The following ANTXR2 variants were observed in gnomAD, a reference collection of about 807,000 sequenced individuals.
ANTXR2 encodes the protein ANTXR cell adhesion molecule 2.
Under a neutral mutation model 73.7 loss-of-function variants are expected in ANTXR2, and 44 were observed. The ratio of observed to expected loss-of-function variants is 0.60; its 90% CI spans 0.47 to 0.77. The LOEUF (loss-of-function observed/expected upper bound fraction) is 0.77, where lower values mean the gene tolerates loss of function less well. ANTXR2 is among the 30% of genes least tolerant of loss of function. The pLI is 0.00. For missense variants in ANTXR2, 604 were observed against 592.5 expected, an observed-to-expected ratio of 1.02 and a Z score of -0.20; for synonymous variants, 217 against 205.9, an observed-to-expected ratio of 1.05 and a Z score of -0.46.
intron 10 of ANTXR2, among the ~76,000 whole-genome samples, chr4:80,028,260 T>C (rs1209675463): frequency 2.0e-5 from 3 of 152,244 alleles, no homozygotes; most frequent in East Asian, 3.9e-4. Flanking sequence ...ATGATATACC[T>C]GGACAGGATT....
chr4:80,041,833 G>GTATA (rs1386442778), intron 7 of ANTXR2, among the ~76,000 whole-genome samples: 3 of 152,072 alleles, frequency 2.0e-5, no homozygotes, highest in African/African-American at 7.2e-5. Context: ...ATTCCATGGT[G>GTATA]TATATGTACT....
intron 7 of ANTXR2, among the ~76,000 whole-genome samples, chr4:80,053,027 T>G (rs1271678870): frequency 6.6e-6 from 1 of 151,594 alleles, no homozygotes; most frequent in Non-Finnish European, 1.5e-5. Flanking sequence ...TCCTTCCCAG[T>G]ATAATTATAA....
At chr4:79,934,310 C>A (rs1361515069) in intron 16 of ANTXR2, among the ~76,000 whole-genome samples, 1 of 152,124 alleles carries the variant, frequency 6.6e-6, no homozygotes, top group African/African-American at 2.4e-5. Flanking sequence ...GGGCAAATCA[C>A]TTGAGGCCAG....
rs1733979761 is a variant in ANTXR2 at position 80,056,005 on chromosome 4, AT to A, written c.304del (p.Ile102SerfsTer8). The A allele has an allele frequency of 1.9e-6, 3 of 1,554,472 alleles. No individual in the cohort carries two copies. The highest frequency in any genetic ancestry group is 1.4e-5 in the African/African-American group (1 of 72,196). On this transcript the variant is annotated frameshift_variant, in exon 4 of 17. Coordinates refer to ENST00000403729, the MANE Select transcript of ANTXR2 (RefSeq NM_058172.6). LOFTEE classifies it high-confidence loss of function. The part of the protein sequence containing the change: ...ILPLTGDRGK[I>X]SKGLEDLKRV... ...TTTTAAATCCTCCAAGCCTTTACTG[AT>A]TTTGCCTCTGAAAATAATATTAAAC...
intron 16 of ANTXR2, 73 bp from the exon 17 acceptor site, chr4:79,907,540 C>T (rs565420198): frequency 5.0e-5 from 73 of 1,446,746 alleles, no homozygotes; most frequent in African/African-American, 1.1e-4. Context: ...ATCTAGTTTT[C>T]CTACCATGAT....
intron 16 of ANTXR2, among the ~76,000 whole-genome samples, chr4:79,926,945 G>GTATATATACACGTGTGCATATATGTGTA (rs1553925963): frequency 1.9e-5 from 1 of 52,758 alleles, no homozygotes; most frequent in African/African-American, 5.6e-5. Context: ...GCATATATGT[G>GTATATATACACGTGTGCATATATGTGTA]TATATATACG....
At chr4:80,065,620 AT>A (rs1337078915) in intron 3 of ANTXR2, among the ~76,000 whole-genome samples, 1 of 152,290 alleles carries the variant, frequency 6.6e-6, no homozygotes, top group African/African-American at 2.4e-5. Flanking sequence ...GCATAACATC[AT>A]TTTTTGGCAT....
At chr4:79,918,383 C>T (rs1282460935) in intron 16 of ANTXR2, among the ~76,000 whole-genome samples, 1 of 151,970 alleles carries the variant, frequency 6.6e-6, no homozygotes, top group East Asian at 1.9e-4. Context: ...AGGATAAATA[C>T]ATAGAAACCC....
intron 7 of ANTXR2, among the ~76,000 whole-genome samples, chr4:80,049,543 C>G (rs111666383): frequency 3.3e-5 from 5 of 151,852 alleles, no homozygotes; most frequent in African/African-American, 1.2e-4. Flanking sequence ...TCTAGCCTTT[C>G]CATTCCACCT....
chr4:80,030,226 C>G (rs950358312), intron 10 of ANTXR2, among the ~76,000 whole-genome samples: 19 of 151,928 alleles, frequency 1.3e-4, no homozygotes, highest in African/African-American at 4.1e-4. Flanking sequence ...TCAATAATGA[C>G]TCAAAAGATT....
intron 12 of ANTXR2, among the ~76,000 whole-genome samples, chr4:79,992,071 C>T (rs1420627398): frequency 6.6e-6 from 1 of 151,812 alleles, no homozygotes; most frequent in Non-Finnish European, 1.5e-5. Context: ...CATAATTTAC[C>T]CCTGTAACAA....
chr4:80,033,156 C>T (rs1486014985), intron 9 of ANTXR2, among the ~76,000 whole-genome samples: 2 of 151,888 alleles, frequency 1.3e-5, no homozygotes, highest in African/African-American at 4.8e-5. Context: ...AAAGTGGGTT[C>T]AAATATCAGC....
rs557461414 is a variant in ANTXR2, at chr4:79,905,185, T to G, written c.*2244A>C. The G allele has an allele frequency of 6.6e-6, 1 of 152,336 alleles. No homozygotes were observed. The highest frequency in any genetic ancestry group is 1.9e-4 in the East Asian group (1 of 5,190). The allele number at this position is 152,336 out of a possible 1,614,324, so 9.4% of individuals were successfully genotyped here. ...TTCATGCAGCAAAATGTAAGTATGC[T>G]ACATAATTCTAGAGAAATTTGAAGT... On this transcript the variant is annotated 3_prime_UTR_variant, in exon 17 of 17. Coordinates refer to ENST00000403729, the MANE Select transcript of ANTXR2 (RefSeq NM_058172.6).
At position 80,050,029 on chromosome 4, in the gene ANTXR2, G is replaced by A. The variant is rs191514709; in HGVS notation, c.636+4243C>T. On this transcript the variant is annotated intron_variant, in intron 7 of 16. Transcript: ENST00000403729. ...TCATGATCCTTGACCTAGTTCCATT[G>A]CGAAAGACAGAATCCCAGTGCCAAG... is the stretch of plus-strand genomic sequence containing the variant. Among the ~76,000 whole-genome samples the A allele has an allele frequency of 2.0e-5, 3 of 151,730 alleles. No individual in the cohort carries two copies. In the East Asian group the frequency reaches 5.9e-4, roughly 30 times the overall value.
chr4:79,949,498 G>A (rs1045164331), intron 16 of ANTXR2, among the ~76,000 whole-genome samples: 1 of 152,122 alleles, frequency 6.6e-6, no homozygotes, highest in East Asian at 1.9e-4. Context: ...GGTTAAAAAA[G>A]TACAAATGAT....
At chr4:80,033,011 G>A (rs534855609) in intron 9 of ANTXR2, among the ~76,000 whole-genome samples, 1 of 151,634 alleles carries the variant, frequency 6.6e-6, no homozygotes, top group Non-Finnish European at 1.5e-5. Context: ...CAAAAAAAAA[G>A]AAAGAAAAAA....
At position 79,984,831 on chromosome 4, in the gene ANTXR2, A is replaced by T. The variant is rs751160734; in HGVS notation, c.1074T>A (p.Pro358=). 4 of 1,606,414 alleles carry T rather than the reference A, an allele frequency of 2.5e-6. No individual in the cohort carries two copies. Among genetic ancestry groups the T allele is most frequent in the South Asian group, 1.1e-5 (1 of 89,860 alleles). The change falls in exon 13 of 17, where the codon CCT becomes CCA. Residue 358 remains proline, a synonymous_variant. Transcript: ENST00000403729. ...GGCACTCACTTACCTCTTTTGGTGCAGGGGCGGGTGGTGGTGGAGGATCCT... is the reference window on the plus strand; with the variant it reads ...GGCACTCACTTACCTCTTTTGGTGCTGGGGCGGGTGGTGGTGGAGGATCCT... ...VIKDPPPPPA[P]APKEEEEEPL...
At chr4:80,047,253 T>C (rs1275556577) in intron 7 of ANTXR2, among the ~76,000 whole-genome samples, 1 of 151,580 alleles carries the variant, frequency 6.6e-6, no homozygotes, top group East Asian at 1.9e-4. Flanking sequence ...TTCATGCAAA[T>C]ACAAATACAG....
At chr4:80,033,847 G>A (rs997130794) in intron 8 of ANTXR2, among the ~76,000 whole-genome samples, 3 of 151,956 alleles carry the variant, frequency 2.0e-5, no homozygotes, top group Admixed American at 6.6e-5. Context: ...GTATAGAACA[G>A]AAGCATTAAC....
Sources: allele counts gnomAD v4.1 joint callset (sites outside exome capture counted in the v4.1 genomes callset), GRCh38; gene constraint gnomAD v4.1.1; transcripts MANE v1.5; gene names NCBI Gene and HGNC (gene_info 2026-07-23, HGNC 2026-07-21).